The following NAPA variants were observed in gnomAD, a reference collection of about 807,000 sequenced individuals.
NAPA encodes the protein alpha-soluble NSF attachment protein.
NAPA carries 18 observed loss-of-function variants against 48.0 expected under a neutral mutation model. The observed-to-expected ratio is 0.38, with a 90% CI of 0.26 to 0.56. The LOEUF (loss-of-function observed/expected upper bound fraction) is 0.56. NAPA is among the 20% of genes least tolerant of loss of function. The pLI, the probability that NAPA is intolerant of heterozygous loss-of-function variation, is 0.77. For synonymous variants in NAPA, 152 were observed against 149.9 expected (o/e 1.01, Z -0.10); for missense variants, 315 against 385.0 (o/e 0.82, Z 1.52).
intron 2 of NAPA, among the ~76,000 whole-genome samples, chr19:47,502,180 G>A (rs1968591427): frequency 7.7e-6 from 1 of 130,202 alleles, no homozygotes; most frequent in Non-Finnish European, 1.6e-5. Flanking sequence ...GGCGGAGGTT[G>A]CAGTGAGCCA....
intron 8 of NAPA, among the ~76,000 whole-genome samples, chr19:47,491,628 G>A (rs1968269525): frequency 1.3e-5 from 2 of 152,212 alleles, no homozygotes; most frequent in Non-Finnish European, 1.5e-5. Context: ...GAGTCACAAA[G>A]ATCTGGAACA....
chr19:47,507,454 C>T (rs555769110), intron 1 of NAPA, among the ~76,000 whole-genome samples: 1 of 152,312 alleles, frequency 6.6e-6, no homozygotes, highest in East Asian at 1.9e-4. Context: ...TGCCCTGAGA[C>T]CCACCACCTG....
chr19:47,494,325 C>T (rs1968359201), intron 4 of NAPA, among the ~76,000 whole-genome samples: 1 of 152,224 alleles, frequency 6.6e-6, no homozygotes, highest in African/African-American at 2.4e-5. Context: ...TAATAAATGG[C>T]AGCTGCTATT....
At chr19:47,497,371 G>C (rs1219846582) in intron 3 of NAPA, 3 of 152,704 alleles carry the variant, frequency 2.0e-5, no homozygotes, top group Non-Finnish European at 4.4e-5. Context: ...AGTCCTTGCA[G>C]TAGCAGCAGG....
rs1226745708 is a variant in NAPA at position 47,493,490 on chromosome 19, G to A, written c.346C>T (p.Arg116Ter). The part of the protein sequence containing the change: ...RAIEIYTDMG[R>*]FTIAAKHHIS... ...TGGTGCTTGGCCGCAATCGTGAATC[G>A]GCCCTGGAGGGGACACAGGAAGGGG... Residue 116 changes from arginine to a stop codon, truncating the protein, a stop_gained, in exon 5 of 11, where the codon CGA becomes TGA. Transcript: ENST00000263354. LOFTEE classifies it high-confidence loss of function. This position sits in a 1 kb window ranked among gnomAD's most constrained non-coding sequence, Gnocchi z 6.4. The A allele has an allele frequency of 3.7e-6, 6 of 1,613,710 alleles. No homozygotes were observed. The African/African-American group carries it at 4.0e-5, about 11-fold the overall frequency.
intron 1 of NAPA, among the ~76,000 whole-genome samples, chr19:47,504,394 TC>T (rs1407437189): frequency 2.9e-5 from 2 of 68,950 alleles, no homozygotes; most frequent in Non-Finnish European, 6.1e-5. Flanking sequence ...CCAGACCTTG[TC>T]TCAAAAAAAA....
rs535361662 is a variant in NAPA at position 47,493,058 on chromosome 19, G to A, written c.477-13C>T. On this transcript the variant is annotated splice_polypyrimidine_tract_variant and intron_variant, in intron 6 of 10. Transcript: ENST00000263354. This position sits in a 1 kb window ranked among gnomAD's most constrained non-coding sequence, Gnocchi z 6.4. ...CTTGTTGGCTGAGCTGTGTGGGGAG[G>A]AGTAGTGAGGGGAAGTGGTGGCGGT... is the stretch of plus-strand genomic sequence containing the variant. 1.9e-5 allele frequency: 31 copies of A among 1,614,018 alleles called. 1 individual carries two copies. Among genetic ancestry groups the A allele is most frequent in the Non-Finnish European group, 2.6e-5 (31 of 1,180,008 alleles).
intron 2 of NAPA, 115 bp downstream of exon 2, chr19:47,503,308 A>G (rs1968621767): frequency 2.2e-6 from 2 of 923,152 alleles, no homozygotes; most frequent in East Asian, 2.4e-5. Context: ...CCGATGCCGG[A>G]GAGGGCATAC....
In NAPA at chr19:47,514,901, A is replaced by G. The variant is rs1233739169; in HGVS notation, c.40T>C (p.Leu14=). ...SGKEAEAMAL[L]AEAERKVKNS... ...TTCACTTTGCGCTCCGCCTCGGCCA[A>G]CAGCGCCATCGCCTCCGCTTCCTTC... The change falls in exon 1 of 11, where the codon TTG becomes CTG. Residue 14 remains leucine, a synonymous_variant. Transcript: ENST00000263354. 6.2e-7 allele frequency: 1 copy of G among 1,613,994 alleles called. No individual in the cohort carries two copies. The highest frequency in any genetic ancestry group is 8.5e-7 in the Non-Finnish European group (1 of 1,180,008).
At chr19:47,500,878 G>C (rs562180088) in intron 2 of NAPA, 129 bp from the exon 3 acceptor site, 5 of 642,020 alleles carry the variant, frequency 7.8e-6, no homozygotes, top group African/African-American at 1.9e-5. Flanking sequence ...ACAGGACGAG[G>C]GTGACCTGAG....
intron 1 of NAPA, among the ~76,000 whole-genome samples, chr19:47,513,138 C>A (rs1008020854): frequency 1.3e-5 from 2 of 152,212 alleles, no homozygotes; most frequent in African/African-American, 4.8e-5. Flanking sequence ...ACACCACCGC[C>A]CCCTGCCAAA....
At chr19:47,492,434 A>T in intron 7 of NAPA, 1 of 431,706 alleles carries the variant, frequency 2.3e-6, no homozygotes, top group Non-Finnish European at 4.3e-6. Context: ...GGAGGCTGGC[A>T]TGGCGGTGGG....
chr19:47,491,776 G>A (rs1046333265), intron 8 of NAPA, among the ~76,000 whole-genome samples: 2 of 152,222 alleles, frequency 1.3e-5, no homozygotes, highest in Admixed American at 1.3e-4. Context: ...GTGCACCCAT[G>A]AAGGAAAGAG....
intron 1 of NAPA, among the ~76,000 whole-genome samples, chr19:47,509,492 G>A (rs901823511): frequency 1.3e-5 from 2 of 152,144 alleles, no homozygotes; most frequent in African/African-American, 2.4e-5. Flanking sequence ...GCTGAAGCAC[G>A]AGCAATCTTG....
At chr19:47,502,815 C>T (rs777962527) in intron 2 of NAPA, among the ~76,000 whole-genome samples, 3 of 152,172 alleles carry the variant, frequency 2.0e-5, no homozygotes, top group Non-Finnish European at 2.9e-5. Context: ...GTGAAGCTAT[C>T]CTGCCTCACT....
At chr19:47,487,225 G>A (rs973765099), downstream of NAPA, among the ~76,000 whole-genome samples, 3 of 152,190 alleles carry the variant, frequency 2.0e-5, no homozygotes, top group African/African-American at 7.2e-5. Flanking sequence ...AACTGTCACC[G>A]GGGCGTTCAG....
At chr19:47,511,403 T>C (rs1407953288) in intron 1 of NAPA, among the ~76,000 whole-genome samples, 5 of 152,118 alleles carry the variant, frequency 3.3e-5, no homozygotes, top group African/African-American at 1.2e-4. Context: ...ACCTCACTCA[T>C]ACTCCCACAG....
rs774646381 is a variant in NAPA, at chr19:47,489,703, C to A, written c.786+8G>T. On this transcript the variant is annotated splice_region_variant and intron_variant, in intron 10 of 10. Transcript: ENST00000263354. ...GAAGGGGCCTGGCCCCCCATGCTGG[C>A]CACTCACCGACTCGGTGTAGCTGTC... The A allele has an allele frequency of 2.5e-6, 4 of 1,613,972 alleles. No individual in the cohort carries two copies. Among genetic ancestry groups the A allele is most frequent in the South Asian group, 1.1e-5 (1 of 91,058 alleles).
intron 7 of NAPA, chr19:47,492,407 G>A: frequency 4.3e-6 from 2 of 461,208 alleles, no homozygotes; most frequent in South Asian, 2.3e-5. Flanking sequence ...GAGGCAGCCT[G>A]GCTGTCAGGA....
Sources: gnomAD v4.1 joint callset for allele counts (sites outside exome capture counted in the v4.1 genomes callset) on GRCh38, gnomAD v4.1.1 for gene constraint, Gnocchi (gnomAD v3.1) non-coding constraint, MANE v1.5 for transcripts, NCBI Gene and HGNC (gene_info 2026-07-23, HGNC 2026-07-21) for gene names.